The following PEAK1 variants were observed in gnomAD, a reference collection of about 807,000 sequenced individuals.
PEAK1 encodes inactive tyrosine-protein kinase PEAK1.
PEAK1 carries 54 observed loss-of-function variants against 124.7 expected under a neutral mutation model. The observed-to-expected ratio is 0.43, with a 90% confidence interval of 0.35 to 0.54. PEAK1 has a LOEUF of 0.54. Ranked by LOEUF, PEAK1 falls within the 20% of genes least tolerant of loss-of-function variation. The pLI is 0.01. For missense variants in PEAK1, 2,046 were observed against 2,134.5 expected (o/e 0.96, Z 0.82); for synonymous variants, 719 against 760.0 (o/e 0.95, Z 0.89).
At chr15:77,280,145 A>G (rs1169768183) in intron 5 of PEAK1, among the ~76,000 whole-genome samples, 1 of 152,154 alleles carries the variant, frequency 6.6e-6, no homozygotes, top group Non-Finnish European at 1.5e-5. Context: ...GTTCGAGGCC[A>G]GCCTGGCCAA....
chr15:77,417,983 A>T (rs1309474154), intron 1 of PEAK1: 31 of 969,004 alleles, frequency 3.2e-5, no homozygotes, highest in Non-Finnish European at 3.6e-5. Flanking sequence ...TGTTTATATG[A>T]GTACACGTAT....
intron 2 of PEAK1, among the ~76,000 whole-genome samples, chr15:77,303,545 T>C (rs1253018815): frequency 6.6e-6 from 1 of 152,232 alleles, no homozygotes; most frequent in Non-Finnish European, 1.5e-5. Flanking sequence ...CATCTGCTTA[T>C]CTTCCTTGAT....
chr15:77,336,679 T>C (rs2066220829), intron 2 of PEAK1: 1 of 370,054 alleles, frequency 2.7e-6, no homozygotes. Context: ...TATATACCTC[T>C]ATAAAATAAA....
rs1452143281 is a variant in PEAK1, at chr15:77,250,213, A to ATATG, written c.-115+2153_-115+2154insCATA. On this transcript the variant is annotated intron_variant, in intron 6 of 9. Coordinates refer to ENST00000682557, the MANE Select transcript of PEAK1 (RefSeq NM_001385026.1). Reference sequence around the variant, plus strand: ...TATACATATATATACATATATATGTATATATATACACATATATATGTATAT... The same window carrying ATATG: ...TATACATATATATACATATATATGTATATGTATATATACACATATATATGTATAT... 2.5e-3 allele frequency among the ~76,000 whole-genome samples: 339 copies of ATATG among 136,490 alleles called. 3 individuals carry two copies. Among genetic ancestry groups the ATATG allele is most frequent in the African/African-American group, 9.3e-3 (314 of 33,944 alleles). 89.5% of individuals were successfully genotyped at this position (136,490 alleles called of 152,430 possible). A position where few individuals can be genotyped will look rare whatever the true frequency, so the allele number is the denominator to read the frequency against.
At chr15:77,339,952 T>C (rs759875160) in intron 2 of PEAK1, among the ~76,000 whole-genome samples, 4 of 152,164 alleles carry the variant, frequency 2.6e-5, no homozygotes, top group African/African-American at 9.7e-5. Flanking sequence ...TACCATAAAA[T>C]ACACTTATTA....
intron 1 of PEAK1, among the ~76,000 whole-genome samples, chr15:77,411,959 CTCTTTT>C (rs1256421170): frequency 1.3e-5 from 2 of 152,176 alleles, no homozygotes; most frequent in South Asian, 2.1e-4. Context: ...TACTGCTATT[CTCTTTT>C]TAAGTCTGTA....
intron 7 of PEAK1, among the ~76,000 whole-genome samples, chr15:77,171,372 G>A (rs945763521): frequency 6.6e-6 from 1 of 152,028 alleles, no homozygotes; most frequent in African/African-American, 2.4e-5. Context: ...TTGTTTTGTG[G>A]CAACATAGAT....
chr15:77,298,376 G>A (rs1447624230), intron 2 of PEAK1, among the ~76,000 whole-genome samples: 17 of 150,732 alleles, frequency 1.1e-4, no homozygotes, highest in African/African-American at 3.4e-4. Context: ...CCGCCACCAC[G>A]CCCAGCTAAT....
At chr15:77,405,929 T>A (rs970879873) in intron 1 of PEAK1, among the ~76,000 whole-genome samples, 6 of 152,218 alleles carry the variant, frequency 3.9e-5, no homozygotes, top group Non-Finnish European at 7.3e-5. Context: ...TTAGAAACCA[T>A]TGTATCTACA....
intron 6 of PEAK1, among the ~76,000 whole-genome samples, chr15:77,205,301 A>T (rs2058586415): frequency 6.6e-6 from 1 of 151,060 alleles, no homozygotes; most frequent in African/African-American, 2.4e-5. Context: ...GAAGTTAAAT[A>T]ATTTGCTAGT....
At chr15:77,405,152 C>A (rs1379514091) in intron 1 of PEAK1, among the ~76,000 whole-genome samples, 1 of 151,986 alleles carries the variant, frequency 6.6e-6, no homozygotes. Context: ...ACTACAGGTG[C>A]ACGCCACCAC....
intron 6 of PEAK1, among the ~76,000 whole-genome samples, chr15:77,214,375 G>C (rs2059045342): frequency 6.6e-6 from 1 of 151,868 alleles, no homozygotes. Flanking sequence ...CCAGTACTTT[G>C]GGAGGCTGAG....
intron 6 of PEAK1, among the ~76,000 whole-genome samples, chr15:77,241,140 C>A (rs1567155583): frequency 6.6e-6 from 1 of 152,086 alleles, no homozygotes; most frequent in Non-Finnish European, 1.5e-5. Context: ...GCATCACAAC[C>A]AAGTGCGGTT....
intron 5 of PEAK1, among the ~76,000 whole-genome samples, chr15:77,280,165 A>C (rs1177801502): frequency 1.3e-5 from 2 of 152,072 alleles, no homozygotes; most frequent in East Asian, 1.9e-4. Flanking sequence ...ACATGGTGAA[A>C]TCTCAGTCTC....
intron 2 of PEAK1, among the ~76,000 whole-genome samples, chr15:77,291,971 C>T (rs2063237179): frequency 2.1e-5 from 2 of 93,594 alleles, no homozygotes; most frequent in South Asian, 3.2e-4. Context: ...AGCAAGACTC[C>T]GTCTCAAAAA....
At position 77,181,076 on chromosome 15, in the gene PEAK1, C is replaced by G; in HGVS notation, c.851G>C (p.Arg284Pro). The change falls in exon 7 of 10, where the codon CGA becomes CCA. Residue 284 changes from arginine to proline, a missense_variant. Transcript: ENST00000682557. The stretch of plus-strand genomic sequence containing the variant: ...ATTCCATTTTTTGTCCACAAAGAAT[C>G]GAACAGGAGACAATGTGTTTGCTCT... ...NFRANTLSPV[R>P]FFVDKKWNTI... 6.2e-7 allele frequency: 1 copy of G among 1,614,164 alleles called. No homozygotes were observed. Among genetic ancestry groups the G allele is most frequent in the Non-Finnish European group, 8.5e-7 (1 of 1,180,004 alleles).
At chr15:77,334,999 T>G (rs897305283) in intron 2 of PEAK1, 2 of 985,336 alleles carry the variant, frequency 2.0e-6, no homozygotes, top group African/African-American at 3.5e-5. Context: ...GAACAGGGTT[T>G]GAGGCAGGAG....
At chr15:77,408,331 G>A (rs911206838) in intron 1 of PEAK1, among the ~76,000 whole-genome samples, 5 of 149,158 alleles carry the variant, frequency 3.4e-5, no homozygotes, top group African/African-American at 1.2e-4. Flanking sequence ...CTAAGTGGGA[G>A]CTAAGCTATG....
chr15:77,319,549 A>G (rs1275421840), intron 2 of PEAK1, among the ~76,000 whole-genome samples: 1 of 152,202 alleles, frequency 6.6e-6, no homozygotes, highest in Admixed American at 6.5e-5. Flanking sequence ...TGTGATGATA[A>G]TGGAAAAGGG....
Sources: gnomAD v4.1 joint callset for allele counts (sites outside exome capture counted in the v4.1 genomes callset) on GRCh38, gnomAD v4.1.1 for gene constraint, MANE v1.5 for transcripts, NCBI Gene and HGNC (gene_info 2026-07-23, HGNC 2026-07-21) for gene names.